EDN1: variants seen among roughly 807,000 people sequenced by gnomAD.
The protein encoded by EDN1 is endothelin-1.
A neutral mutation model predicts 21.7 loss-of-function variants in EDN1; 11 were observed. That is an observed-to-expected ratio of 0.51 (90% CI 0.32 to 0.84). The LOEUF is 0.84. Among genes scored for constraint, EDN1 ranks in the 40% least tolerant of loss-of-function variants. The probability of loss-of-function intolerance (pLI) is 0.03; values close to 1 mark genes in which losing one functional copy is unlikely to be tolerated. For synonymous variants in EDN1, 85 were observed against 90.6 expected (o/e 0.94, Z 0.35); for missense variants, 244 against 262.3 (o/e 0.93, Z 0.48).
At chr6:12,234,799 A>T in the EDN1 span, among the ~76,000 whole-genome samples, 1 of 152,184 alleles carries the variant, frequency 6.6e-6, no homozygotes, top group Non-Finnish European at 1.5e-5. Context: ...TGGGGACTTC[A>T]TTGGTGTCCA....
rs1581890005 is a variant in EDN1, at chr6:12,296,336, T to G, written c.*269T>G. The G allele has an allele frequency of 7.2e-6, 3 of 418,350 alleles. No individual in the cohort carries two copies. In the East Asian group the frequency reaches 1.5e-4, roughly 21 times the overall value. The allele number at this position is 418,350 out of a possible 1,614,324, so 25.9% of individuals were successfully genotyped here. A position where few individuals can be genotyped will look rare whatever the true frequency, so the allele number is the denominator to read the frequency against. On this transcript the variant is annotated 3_prime_UTR_variant, in exon 5 of 5. Transcript: ENST00000379375. ...CTCTCAGCAGAAACACACAGTCACA[T>G]TCGAATTCGGGTGGCATCCTCCGGA...
At chr6:12,266,676 A>T in the EDN1 span, among the ~76,000 whole-genome samples, 39 of 152,312 alleles carry the variant, frequency 2.6e-4, no homozygotes, top group Admixed American at 1.5e-3. Flanking sequence ...AAAGGTGACA[A>T]CTAAGCAGAG....
At chr6:12,288,345 G>C (rs1371804373), upstream of EDN1, among the ~76,000 whole-genome samples, 3 of 152,194 alleles carry the variant, frequency 2.0e-5, no homozygotes, top group East Asian at 5.8e-4. Flanking sequence ...CTGTGAATGT[G>C]ACATCAGCTC....
chr6:12,286,896 T>C (rs1762565784), upstream of EDN1, among the ~76,000 whole-genome samples: 1 of 152,152 alleles, frequency 6.6e-6, no homozygotes, highest in Non-Finnish European at 1.5e-5. Flanking sequence ...AGAGGATTGC[T>C]TGAGGCCAGG....
chr6:12,294,185 C>T (rs1762764918), intron 3 of EDN1, 76 bp from the exon 4 acceptor site: 3 of 1,613,056 alleles, frequency 1.9e-6, no homozygotes, highest in Non-Finnish European at 2.5e-6. Flanking sequence ...TTTAGAGAGA[C>T]TAACAGAGAC....
At chr6:12,239,446 C>G in the EDN1 span, among the ~76,000 whole-genome samples, 2 of 152,144 alleles carry the variant, frequency 1.3e-5, no homozygotes, top group African/African-American at 4.8e-5. Context: ...ACACTTTGGT[C>G]AATGGATATA....
chr6:12,292,239 T>C, intron 1 of EDN1, 102 bp from the exon 2 acceptor site: 3 of 1,527,218 alleles, frequency 2.0e-6, no homozygotes, highest in Non-Finnish European at 2.7e-6. Flanking sequence ...GTGTGCTTCA[T>C]CTGCTTTTAT....
chr6:12,279,785 C>T, the EDN1 span, among the ~76,000 whole-genome samples: 1 of 152,068 alleles, frequency 6.6e-6, no homozygotes, highest in African/African-American at 2.4e-5. Flanking sequence ...TTTCAACAGT[C>T]CAAAAAGGAA....
upstream of EDN1, among the ~76,000 whole-genome samples, chr6:12,287,710 T>TCACACACACA (rs1762579735): frequency 5.9e-5 from 4 of 67,400 alleles, no homozygotes; most frequent in Non-Finnish European, 1.3e-4. Flanking sequence ...TCTCTCTCTC[T>TCACACACACA]CTCACACACA....
chr6:12,266,912 T>C, the EDN1 span, among the ~76,000 whole-genome samples: 15 of 152,238 alleles, frequency 9.9e-5, no homozygotes, highest in Admixed American at 9.8e-4. Context: ...AATTCTTTTT[T>C]GTTAATGCAA....
At chr6:12,236,899 A>G in the EDN1 span, among the ~76,000 whole-genome samples, 1 of 151,918 alleles carries the variant, frequency 6.6e-6, no homozygotes, top group Non-Finnish European at 1.5e-5. Context: ...ATATGTATAC[A>G]TGTGCCATGT....
chr6:12,291,335 G>T (rs536895030), intron 1 of EDN1, among the ~76,000 whole-genome samples: 1 of 151,372 alleles, frequency 6.6e-6, no homozygotes, highest in Non-Finnish European at 1.5e-5. Context: ...ACCCAAAACA[G>T]TGTGAGCTCT....
chr6:12,270,752 G>A, the EDN1 span, among the ~76,000 whole-genome samples: 9 of 152,128 alleles, frequency 5.9e-5, no homozygotes, highest in Non-Finnish European at 7.4e-5. Flanking sequence ...ATTCTGTAGC[G>A]GTTGGGTGGA....
chr6:12,258,466 A>AAAAAAAAAAAAAAC, the EDN1 span, among the ~76,000 whole-genome samples: 2 of 151,190 alleles, frequency 1.3e-5, no homozygotes, highest in African/African-American at 4.9e-5. Context: ...AAAAAAAAAA[A>AAAAAAAAAAAAAAC]AAAAAGCCAA....
At chr6:12,264,480 G>T in the EDN1 span, among the ~76,000 whole-genome samples, 4 of 152,174 alleles carry the variant, frequency 2.6e-5, no homozygotes, top group African/African-American at 7.2e-5. Context: ...TAGTAAGTGG[G>T]TTGGAAGGGA....
the EDN1 span, among the ~76,000 whole-genome samples, chr6:12,235,109 A>T: frequency 2.0e-5 from 3 of 152,190 alleles, no homozygotes; most frequent in African/African-American, 7.2e-5. Flanking sequence ...GTCTTGTTCC[A>T]GTGATACCAT....
At chr6:12,277,064 C>G in the EDN1 span, among the ~76,000 whole-genome samples, 1 of 151,998 alleles carries the variant, frequency 6.6e-6, no homozygotes, top group Non-Finnish European at 1.5e-5. Context: ...TGGTCTAATT[C>G]TCTTCCCATG....
the EDN1 span, among the ~76,000 whole-genome samples, chr6:12,232,761 A>G: frequency 6.6e-6 from 1 of 152,252 alleles, no homozygotes; most frequent in African/African-American, 2.4e-5. Flanking sequence ...GGTATAGTTT[A>G]TGAACGGTAG....
upstream of EDN1, among the ~76,000 whole-genome samples, chr6:12,286,062 G>T (rs986515862): frequency 1.8e-4 from 27 of 152,184 alleles, 1 homozygote; most frequent in South Asian, 4.4e-3. Flanking sequence ...TCATGTAAAA[G>T]AAACAAGTCA....
Sources: allele counts gnomAD v4.1 joint callset (sites outside exome capture counted in the v4.1 genomes callset), GRCh38; gene constraint gnomAD v4.1.1; transcripts MANE v1.5; gene names NCBI Gene and HGNC (gene_info 2026-07-23, HGNC 2026-07-21).